SMIM19: variants seen among roughly 807,000 people sequenced by gnomAD.
SMIM19 encodes UPF0697 protein C8orf40.
Under a neutral mutation model 13.2 loss-of-function variants are expected in SMIM19, and 6 were observed. The ratio of observed to expected loss-of-function variants is 0.45; its 90% CI spans 0.25 to 0.90. SMIM19 has a LOEUF of 0.90. SMIM19 is among the 40% of genes least tolerant of loss of function. The pLI is 0.19. For missense variants in SMIM19, 138 were observed against 131.0 expected, an observed-to-expected ratio of 1.05 and a Z score of -0.26; for synonymous variants, 46 against 43.1, an observed-to-expected ratio of 1.07 and a Z score of -0.27.
At chr8:42,544,279 T>G (rs1248985551) in intron 1 of SMIM19, among the ~76,000 whole-genome samples, 3 of 152,030 alleles carry the variant, frequency 2.0e-5, no homozygotes, top group Non-Finnish European at 4.4e-5. Context: ...GGCGCGGTGG[T>G]GGGCTCCTAT....
rs35145052 is a variant in SMIM19 at position 42,553,052 on chromosome 8, CTTTTTT to C, written c.*458_*463del. On this transcript the variant is annotated 3_prime_UTR_variant, in exon 4 of 4. Coordinates refer to ENST00000417410, the MANE Select transcript of SMIM19 (RefSeq NM_001135674.2). ...ACAGATTAATTTGTTGTTAACAGCTCTTTTTTTTTTTTTTTTTTTGAGACAGAGTCT... is the reference window on the plus strand; with the variant it reads ...ACAGATTAATTTGTTGTTAACAGCTCTTTTTTTTTTTTTGAGACAGAGTCT... 2 of 121,554 alleles carry C rather than the reference CTTTTTT, an allele frequency of 1.6e-5. No homozygotes were observed. The highest frequency in any genetic ancestry group is 3.4e-5 in the Non-Finnish European group (2 of 58,188). 7.5% of individuals were successfully genotyped at this position (121,554 alleles called of 1,614,324 possible).
At chr8:42,552,411 C>CT (rs1224540962) in intron 3 of SMIM19, 133 bp from the exon 4 acceptor site, 2 of 886,358 alleles carry the variant, frequency 2.3e-6, no homozygotes, top group Admixed American at 3.0e-5. Flanking sequence ...GAGGGAGACT[C>CT]TATCTCTGAA....
Position 42,541,614 on chromosome 8 carries a change from T to A in SMIM19, c.-764T>A, listed in dbSNP as rs1029804519. ...GCAGAGGGCGTCCAGGTCCGCTCGG[T>A]AACCGTTTCCCGCGCGCCCGGCCCC... On this transcript the variant is annotated 5_prime_UTR_variant, in exon 1 of 4. Coordinates refer to ENST00000417410, the MANE Select transcript of SMIM19 (RefSeq NM_001135674.2). The A allele has an allele frequency of 6.8e-6, 1 of 147,790 alleles. No homozygotes were observed. Among genetic ancestry groups the A allele is most frequent in the Non-Finnish European group, 1.5e-5 (1 of 66,836 alleles). The allele number at this position is 147,790 out of a possible 1,614,324, so 9.2% of individuals were successfully genotyped here.
chr8:42,552,593 ACT>A lies in SMIM19; in HGVS notation c.313_314del (p.Ser105IlefsTer25), dbSNP rs765406132. ...CACAAAACCAAGCTGACAGTGTGCA[ACT>A]CTCATTGGAATGAAACCTCAGAAAA... ...QPQNQADSVQ[L>X]SLE On this transcript the variant is annotated frameshift_variant, in exon 4 of 4. Coordinates refer to ENST00000417410, the MANE Select transcript of SMIM19 (RefSeq NM_001135674.2). LOFTEE classifies it high-confidence loss of function. 6.2e-7 allele frequency: 1 copy of A among 1,614,130 alleles called. No individual in the cohort carries two copies. The highest frequency in any genetic ancestry group is 8.5e-7 in the Non-Finnish European group (1 of 1,180,008).
intron 1 of SMIM19, among the ~76,000 whole-genome samples, chr8:42,546,093 G>T (rs984886457): frequency 4.6e-5 from 7 of 152,252 alleles, no homozygotes; most frequent in African/African-American, 1.7e-4. Flanking sequence ...ATATAAAATG[G>T]CATAGTATTG....
intron 1 of SMIM19, among the ~76,000 whole-genome samples, chr8:42,544,979 G>A (rs888745714): frequency 5.3e-5 from 8 of 152,176 alleles, no homozygotes; most frequent in Admixed American, 2.0e-4. Flanking sequence ...TGTAGGCAGC[G>A]TAGAAAAAAA....
chr8:42,553,684 C>A lies in SMIM19; in HGVS notation c.*1076C>A, dbSNP rs765877016. On this transcript the variant is annotated 3_prime_UTR_variant, in exon 4 of 4. Coordinates refer to ENST00000417410, the MANE Select transcript of SMIM19 (RefSeq NM_001135674.2). Reference sequence around the variant, plus strand: ...TCCGTTTTTGAACTAGAGCTATTTTCAATTATAAGAGTGAGCTGGCTGGGC... The same window carrying A: ...TCCGTTTTTGAACTAGAGCTATTTTAAATTATAAGAGTGAGCTGGCTGGGC... The A allele has an allele frequency of 6.6e-6, 1 of 152,146 alleles. No individual in the cohort carries two copies. Among genetic ancestry groups the A allele is most frequent in the African/African-American group, 2.4e-5 (1 of 41,448 alleles). The allele number at this position is 152,146 out of a possible 1,614,324, so 9.4% of individuals were successfully genotyped here.
rs767727363 is a variant in SMIM19 at position 42,548,774 on chromosome 8, T to A, written c.253T>A (p.Ser85Thr). 6 of 1,613,316 alleles carry A rather than the reference T, an allele frequency of 3.7e-6. No homozygotes were observed. Among genetic ancestry groups the A allele is most frequent in the African/African-American group, 1.3e-5 (1 of 74,918 alleles). ...TTTAAGACAACAACTGGAAATGTAT[T>A]CCATTTGTAAGTATATTCTGTGCTG... ...IRLRQQLEMY[S>T]ISRKYDYQQP... The change falls in exon 3 of 4, where the codon TCC (serine) becomes ACC (threonine). Residue 85 changes from serine (S) to threonine (T), a missense_variant. Transcript: ENST00000417410.
chr8:42,544,591 T>C (rs561054582), intron 1 of SMIM19, among the ~76,000 whole-genome samples: 4 of 151,572 alleles, frequency 2.6e-5, no homozygotes, highest in African/African-American at 7.3e-5. Flanking sequence ...CTCTGGCTAA[T>C]TTTCACGAGA....
Position 42,546,583 on chromosome 8 carries a change from C to G in SMIM19, c.111C>G (p.Phe37Leu). 1 of 1,613,958 alleles carries G rather than the reference C, an allele frequency of 6.2e-7. No individual in the cohort carries two copies. The highest frequency in any genetic ancestry group is 8.5e-7 in the Non-Finnish European group (1 of 1,179,954). ...ACTTGATAGTTATCCTTGTTAGCTT[C>G]GGTCTCTTCATGTATGCCAAAAGGT... Reference protein sequence around the residue: ...NVYLIVILVSFGLFMYAKRNK... With the variant: ...NVYLIVILVSLGLFMYAKRNK... Residue 37 changes from phenylalanine (F) to leucine (L), a missense_variant, in exon 2 of 4, where the codon TTC becomes TTG. Physicochemically the swap from Phe to Leu is conservative, Grantham distance 22 (BLOSUM62 0). Transcript: ENST00000417410.
chr8:42,548,822 A>C, intron 3 of SMIM19, 42 bp downstream of exon 3: 1 of 1,550,064 alleles, frequency 6.5e-7, no homozygotes, highest in Non-Finnish European at 8.7e-7. Context: ...ATGCACATTT[A>C]AAATAGATTT....
chr8:42,545,251 CT>C (rs1315744665), intron 1 of SMIM19, among the ~76,000 whole-genome samples: 2 of 152,226 alleles, frequency 1.3e-5, no homozygotes, highest in African/African-American at 2.4e-5. Context: ...CTTTTACTTG[CT>C]GTTTGATGCA....
In SMIM19 at chr8:42,546,616, T is replaced by C. The variant is rs781341835; in HGVS notation, c.134+10T>C. ...TCATGTATGCCAAAAGGTAAATTTT[T>C]GTTTCTCAGGGTAGATAAAAACTGT... is the stretch of plus-strand genomic sequence containing the variant. On this transcript the variant is annotated intron_variant, in intron 2 of 3. Coordinates refer to ENST00000417410, the MANE Select transcript of SMIM19 (RefSeq NM_001135674.2). The C allele has an allele frequency of 2.4e-5, 38 of 1,605,796 alleles. No homozygotes were observed. The highest frequency in any genetic ancestry group is 3.2e-5 in the Non-Finnish European group (38 of 1,177,812).
rs577609527 is a variant in SMIM19 at position 42,553,476 on chromosome 8, G to A, written c.*868G>A. 6.6e-6 allele frequency: 1 copy of A among 152,366 alleles called. No individual in the cohort carries two copies. The highest frequency in any genetic ancestry group is 2.4e-5 in the African/African-American group (1 of 41,570). 9.4% of individuals were successfully genotyped at this position (152,366 alleles called of 1,614,324 possible). A position where few individuals can be genotyped will look rare whatever the true frequency, so the allele number is the denominator to read the frequency against. ...TGGCGAGGCAGTATTACTGCCACTG[G>A]TGAATGTTGCTGTCTGGTTACTGCT... On this transcript the variant is annotated 3_prime_UTR_variant, in exon 4 of 4. Transcript: ENST00000417410.
chr8:42,550,350 T>C (rs1023277509), intron 3 of SMIM19, among the ~76,000 whole-genome samples: 3 of 152,182 alleles, frequency 2.0e-5, no homozygotes, highest in African/African-American at 7.2e-5. Flanking sequence ...ACAAATGTAG[T>C]GGCTTAAACC....
intron 1 of SMIM19, among the ~76,000 whole-genome samples, chr8:42,543,604 G>A (rs980033106): frequency 1.3e-5 from 2 of 152,204 alleles, no homozygotes; most frequent in Non-Finnish European, 2.9e-5. Flanking sequence ...TTTGGGGCAG[G>A]AGGAAGTAGC....
intron 2 of SMIM19, 87 bp downstream of exon 2, chr8:42,546,693 A>G (rs1813498942): frequency 1.3e-6 from 2 of 1,501,920 alleles, no homozygotes; most frequent in South Asian, 2.6e-5. Flanking sequence ...GCATAAAAGT[A>G]ATTTCATCAG....
In SMIM19 at chr8:42,554,553, A is replaced by G. The variant is rs189567301; in HGVS notation, c.*1945A>G. ...TGAGCATCAAGCCCTGGCAAGTGACAGGAGATGAATTCCTCTCCGTTTTTT... is the reference window on the plus strand; with the variant it reads ...TGAGCATCAAGCCCTGGCAAGTGACGGGAGATGAATTCCTCTCCGTTTTTT... On this transcript the variant is annotated 3_prime_UTR_variant, in exon 4 of 4. Transcript: ENST00000417410. 7.2e-5 allele frequency: 11 copies of G among 152,386 alleles called. No homozygotes were observed. Among genetic ancestry groups the G allele is most frequent in the Admixed American group, 7.2e-4 (11 of 15,304 alleles). 9.4% of individuals were successfully genotyped at this position (152,386 alleles called of 1,614,324 possible). A position where few individuals can be genotyped will look rare whatever the true frequency, so the allele number is the denominator to read the frequency against.
chr8:42,542,445 T>C (rs1009582548), intron 1 of SMIM19, 72 bp downstream of exon 1: 5 of 985,420 alleles, frequency 5.1e-6, no homozygotes, highest in Non-Finnish European at 6.0e-6. Context: ...AATCCCATTT[T>C]TTGATGCAGA....
Sources: gnomAD v4.1 joint callset for allele counts (sites outside exome capture counted in the v4.1 genomes callset) on GRCh38, gnomAD v4.1.1 for gene constraint, MANE v1.5 for transcripts, NCBI Gene and HGNC (gene_info 2026-07-23, HGNC 2026-07-21) for gene names.